The following ZNF804B variants were observed in gnomAD, a reference collection of about 807,000 sequenced individuals.
The protein encoded by ZNF804B is zinc finger protein 804B.
Under a neutral mutation model 101.4 loss-of-function variants are expected in ZNF804B, and 80 were observed. That is an observed-to-expected ratio of 0.79 (90% confidence interval 0.66 to 0.95). The LOEUF (loss-of-function observed/expected upper bound fraction) is 0.95. Among genes scored for constraint, ZNF804B ranks in the 40% least tolerant of loss-of-function variants. The pLI, the probability that ZNF804B is intolerant of heterozygous loss-of-function variation, is 0.00. For synonymous variants in ZNF804B, 622 were observed against 558.8 expected (o/e 1.11, Z -1.59); for missense variants, 1,673 against 1,561.9 (o/e 1.07, Z -1.20).
rs1790459638 is a variant in ZNF804B at position 89,300,786 on chromosome 7, G to A, written c.250-26558G>A. 2.6e-5 allele frequency among the ~76,000 whole-genome samples: 4 copies of A among 152,014 alleles called. 1 individual carries two copies. Among genetic ancestry groups the A allele is most frequent in the Middle Eastern group, 3.4e-3 (1 of 294 alleles). The stretch of plus-strand genomic sequence containing the variant: ...AAGATCATTTCTAAGCCACTAATAA[G>A]CTTTAATCAGGCAAAAGGCTTAATC... On this transcript the variant is annotated intron_variant, in intron 2 of 3. Transcript: ENST00000333190.
intron 1 of ZNF804B, among the ~76,000 whole-genome samples, chr7:88,926,033 C>T (rs1002258646): frequency 3.3e-5 from 5 of 151,996 alleles, no homozygotes; most frequent in African/African-American, 1.2e-4. Context: ...AATGGATTTT[C>T]TAGGTCAAAA....
chr7:88,872,554 G>C (rs1277477252), intron 1 of ZNF804B, among the ~76,000 whole-genome samples: 1 of 151,800 alleles, frequency 6.6e-6, no homozygotes, highest in Non-Finnish European at 1.5e-5. Context: ...GTGCCATGCT[G>C]GTGCACTGCA....
intron 1 of ZNF804B, among the ~76,000 whole-genome samples, chr7:89,055,272 G>GGAAAGTGAAGACAAGAATGGTA (rs1789273038): frequency 6.6e-6 from 1 of 152,018 alleles, no homozygotes; most frequent in Non-Finnish European, 1.5e-5. Context: ...CAAGAATGGT[G>GGAAAGTGAAGACAAGAATGGTA]GAAAGTGAAG....
intron 1 of ZNF804B, among the ~76,000 whole-genome samples, chr7:88,934,755 G>GA (rs1424177069): frequency 6.6e-6 from 1 of 151,918 alleles, no homozygotes; most frequent in African/African-American, 2.4e-5. Flanking sequence ...TGTTGGTGTC[G>GA]ATGTGTTGAA....
intron 2 of ZNF804B, among the ~76,000 whole-genome samples, chr7:89,268,644 A>C (rs1416160604): frequency 2.6e-5 from 4 of 151,778 alleles, no homozygotes; most frequent in African/African-American, 9.7e-5. Context: ...AATGGGATTC[A>C]ACATTTTTCC....
intron 1 of ZNF804B, among the ~76,000 whole-genome samples, chr7:89,152,505 A>C (rs923327273): frequency 6.6e-6 from 1 of 152,026 alleles, no homozygotes; most frequent in Non-Finnish European, 1.5e-5. Flanking sequence ...TTTTCAATTC[A>C]TTATGCATTC....
chr7:89,322,706 A>G (rs571097382), intron 2 of ZNF804B, among the ~76,000 whole-genome samples: 2 of 152,308 alleles, frequency 1.3e-5, no homozygotes, highest in East Asian at 1.9e-4. Flanking sequence ...GAAACACATT[A>G]CCAAAACTCA....
chr7:88,817,909 A>G (rs550402664), intron 1 of ZNF804B, among the ~76,000 whole-genome samples: 1 of 152,262 alleles, frequency 6.6e-6, no homozygotes, highest in Admixed American at 6.5e-5. Flanking sequence ...CCTCCTCTTT[A>G]TAGATTTTTG....
intron 1 of ZNF804B, among the ~76,000 whole-genome samples, chr7:89,094,187 A>C (rs1028876877): frequency 6.6e-6 from 1 of 152,166 alleles, no homozygotes; most frequent in East Asian, 1.9e-4. Context: ...TCACATGTTC[A>C]TTCTAAAAGT....
At chr7:89,041,024 T>C (rs1407828592) in intron 1 of ZNF804B, among the ~76,000 whole-genome samples, 1 of 152,008 alleles carries the variant, frequency 6.6e-6, no homozygotes, top group Non-Finnish European at 1.5e-5. Context: ...GTGGGGCCAG[T>C]CTTGTGAAGA....
intron 1 of ZNF804B, among the ~76,000 whole-genome samples, chr7:89,077,351 A>T (rs914796414): frequency 5.3e-5 from 8 of 151,044 alleles, no homozygotes; most frequent in Non-Finnish European, 8.9e-5. Context: ...GAAGGTTGAC[A>T]TTTTTTTTTC....
intron 1 of ZNF804B, among the ~76,000 whole-genome samples, chr7:88,885,613 T>G (rs954839544): frequency 6.7e-6 from 1 of 150,354 alleles, no homozygotes; most frequent in Admixed American, 6.7e-5. Flanking sequence ...ATACTAGATA[T>G]GAAAAATGTT....
intron 1 of ZNF804B, among the ~76,000 whole-genome samples, chr7:89,018,876 T>C (rs1788614172): frequency 6.6e-6 from 1 of 152,066 alleles, no homozygotes; most frequent in South Asian, 2.1e-4. Context: ...TTTATGTGTG[T>C]CTTCTCTCTT....
chr7:89,208,844 G>A (rs6465187), intron 1 of ZNF804B, among the ~76,000 whole-genome samples: 1 of 151,794 alleles, frequency 6.6e-6, no homozygotes, highest in Non-Finnish European at 1.5e-5. Context: ...AACCCCGTCT[G>A]TACTGAAAAT....
intron 2 of ZNF804B, among the ~76,000 whole-genome samples, chr7:89,321,428 G>T (rs182272084): frequency 0.088 from 13,434 of 152,020 alleles, 701 homozygotes; most frequent in Non-Finnish European, 0.12. Flanking sequence ...TCAGTGAGCT[G>T]AGATTGCACC....
At chr7:89,312,908 A>G (rs1018319303) in intron 2 of ZNF804B, among the ~76,000 whole-genome samples, 1 of 152,086 alleles carries the variant, frequency 6.6e-6, no homozygotes, top group Non-Finnish European at 1.5e-5. Flanking sequence ...GAAATAGTAG[A>G]CTTTTTAATA....
intron 2 of ZNF804B, among the ~76,000 whole-genome samples, chr7:89,323,902 C>T (rs550374257): frequency 6.6e-6 from 1 of 152,118 alleles, no homozygotes; most frequent in Non-Finnish European, 1.5e-5. Flanking sequence ...AGGAAGGTTA[C>T]TGACAATCAT....
At chr7:89,281,797 G>A (rs533843169) in intron 2 of ZNF804B, among the ~76,000 whole-genome samples, 1 of 152,054 alleles carries the variant, frequency 6.6e-6, no homozygotes, top group Non-Finnish European at 1.5e-5. Context: ...GTATTAATGG[G>A]CTCTGGATCT....
chr7:89,014,903 C>T (rs903124161), intron 1 of ZNF804B, among the ~76,000 whole-genome samples: 1 of 152,126 alleles, frequency 6.6e-6, no homozygotes, highest in East Asian at 1.9e-4. Context: ...CTTCTGAGAC[C>T]TTATTCATAA....
Sources: allele counts gnomAD v4.1 joint callset (sites outside exome capture counted in the v4.1 genomes callset), GRCh38; gene constraint gnomAD v4.1.1; transcripts MANE v1.5; gene names NCBI Gene and HGNC (gene_info 2026-07-23, HGNC 2026-07-21).